Variants in AFAP1L2 observed in about 807,000 individuals in gnomAD.
The protein encoded by AFAP1L2 is actin filament associated protein 1 like 2, also known as actin filament-associated protein 1-like 2.
AFAP1L2 carries 46 observed loss-of-function variants against 99.3 expected under a neutral mutation model. That is an observed-to-expected ratio of 0.46 (90% CI 0.37 to 0.59). The LOEUF (loss-of-function observed/expected upper bound fraction) is 0.59, where lower values mean the gene tolerates loss of function less well. AFAP1L2 is among the 20% of genes least tolerant of loss of function. The pLI is 0.00. For missense variants in AFAP1L2, 959 were observed against 1,034.9 expected, an observed-to-expected ratio of 0.93 and a Z score of 1.01; for synonymous variants, 397 against 419.1, an observed-to-expected ratio of 0.95 and a Z score of 0.64.
the AFAP1L2 span, chr10:114,285,908 T>C: frequency 4.5e-6 from 7 of 1,552,964 alleles, no homozygotes; most frequent in South Asian, 2.4e-5. Flanking sequence ...TGACCATGGC[T>C]TGACAGTGGG....
At chr10:114,395,457 TA>T (rs2057600456) in intron 1 of AFAP1L2, among the ~76,000 whole-genome samples, 2 of 152,322 alleles carry the variant, frequency 1.3e-5, no homozygotes, top group South Asian at 4.1e-4. Context: ...TGAATTTTAG[TA>T]AATCAGTTCA....
chr10:114,398,133 T>C (rs931557696), intron 1 of AFAP1L2, among the ~76,000 whole-genome samples: 3 of 152,232 alleles, frequency 2.0e-5, no homozygotes, highest in African/African-American at 7.2e-5. Context: ...TTGTGGTTAG[T>C]TTGTTTTTTG....
At chr10:114,304,168 C>CT (rs1376717716) in intron 11 of AFAP1L2, among the ~76,000 whole-genome samples, 2 of 152,218 alleles carry the variant, frequency 1.3e-5, no homozygotes, top group Non-Finnish European at 2.9e-5. Context: ...ACATCAAAGA[C>CT]TAAGTGAACG....
At chr10:114,363,231 G>T (rs1051131978) in intron 1 of AFAP1L2, 7 of 949,692 alleles carry the variant, frequency 7.4e-6, no homozygotes, top group Non-Finnish European at 8.8e-6. Context: ...ATTCCAAGTT[G>T]CATCTCTTGG....
chr10:114,383,079 AG>A (rs1207982040), intron 1 of AFAP1L2, among the ~76,000 whole-genome samples: 1 of 152,222 alleles, frequency 6.6e-6, no homozygotes, highest in Non-Finnish European at 1.5e-5. Context: ...GCCATGAAAG[AG>A]GAAAAAAAAG....
chr10:114,313,571 G>A (rs183653168), intron 7 of AFAP1L2, among the ~76,000 whole-genome samples: 6 of 152,284 alleles, frequency 3.9e-5, no homozygotes, highest in Admixed American at 3.3e-4. Context: ...TGGCAAATAC[G>A]TGGCAAATGG....
chr10:114,356,462 T>A (rs893763582), intron 1 of AFAP1L2, among the ~76,000 whole-genome samples: 1 of 152,230 alleles, frequency 6.6e-6, no homozygotes, highest in Non-Finnish European at 1.5e-5. Context: ...ATGATGATAT[T>A]TTGGATGTGT....
chr10:114,398,787 C>T, intron 1 of AFAP1L2: 6 of 1,289,618 alleles, frequency 4.7e-6, no homozygotes, highest in Non-Finnish European at 6.1e-6. Flanking sequence ...GCCAGGTCTG[C>T]ACCCTCGGGA....
chr10:114,292,442 TG>T (rs1236415194), downstream of AFAP1L2, among the ~76,000 whole-genome samples: 1 of 152,032 alleles, frequency 6.6e-6, no homozygotes, highest in Non-Finnish European at 1.5e-5. Context: ...GATCTTACGC[TG>T]TCTAGGTTTT....
intron 1 of AFAP1L2, among the ~76,000 whole-genome samples, chr10:114,357,870 G>T (rs1384576404): frequency 6.6e-6 from 1 of 152,126 alleles, no homozygotes; most frequent in Non-Finnish European, 1.5e-5. Context: ...CCTCACAGGG[G>T]CTTATTTGCA....
At chr10:114,280,741 T>A in the AFAP1L2 span, 1 of 152,046 alleles carries the variant, frequency 6.6e-6, no homozygotes, top group Non-Finnish European at 1.5e-5. Flanking sequence ...AAACTTTGTT[T>A]TTATTATTAT....
the AFAP1L2 span, chr10:114,286,015 C>T: frequency 1.2e-6 from 2 of 1,614,130 alleles, no homozygotes; most frequent in South Asian, 1.1e-5. Context: ...CTCTGGACGG[C>T]TTCCTGCGGG....
intron 1 of AFAP1L2, among the ~76,000 whole-genome samples, chr10:114,369,962 G>A (rs561508870): frequency 1.3e-4 from 20 of 152,200 alleles, no homozygotes; most frequent in South Asian, 6.2e-4. Context: ...GTAACGGGAA[G>A]AGAGTCTTTC....
the AFAP1L2 span, among the ~76,000 whole-genome samples, chr10:114,281,425 G>T: frequency 6.6e-6 from 1 of 152,202 alleles, no homozygotes; most frequent in Non-Finnish European, 1.5e-5. Context: ...GCTGTGTTCC[G>T]GTAATTATGT....
chr10:114,367,411 G>C (rs2053437157), intron 1 of AFAP1L2, among the ~76,000 whole-genome samples: 1 of 152,132 alleles, frequency 6.6e-6, no homozygotes, highest in African/African-American at 2.4e-5. Context: ...ATTACCCAGG[G>C]ATTTGGCCCA....
chr10:114,346,515 C>T (rs2049600938), intron 1 of AFAP1L2, among the ~76,000 whole-genome samples: 1 of 152,188 alleles, frequency 6.6e-6, no homozygotes, highest in Non-Finnish European at 1.5e-5. Flanking sequence ...CCCCAGAGTG[C>T]CAACCTCAGT....
chr10:114,315,515 C>CCT (rs377755078), intron 6 of AFAP1L2, 45 bp downstream of exon 6: 4 of 1,603,836 alleles, frequency 2.5e-6, no homozygotes, highest in Non-Finnish European at 3.4e-6. Flanking sequence ...TGCCCCTTCC[C>CCT]CAAGGAGAGG....
At chr10:114,303,770 C>G (rs907213955) in intron 11 of AFAP1L2, among the ~76,000 whole-genome samples, 1 of 152,182 alleles carries the variant, frequency 6.6e-6, no homozygotes, top group Admixed American at 6.5e-5. Context: ...CTCAAAACCC[C>G]GATCTGAGCT....
At chr10:114,335,861 C>A (rs2047896522) in intron 2 of AFAP1L2, among the ~76,000 whole-genome samples, 1 of 152,074 alleles carries the variant, frequency 6.6e-6, no homozygotes, top group African/African-American at 2.4e-5. Context: ...TAACGTAAAG[C>A]AGAAACAGAG....
Sources: gnomAD v4.1 joint callset for allele counts (sites outside exome capture counted in the v4.1 genomes callset) on GRCh38, gnomAD v4.1.1 for gene constraint, MANE v1.5 for transcripts, NCBI Gene and HGNC (gene_info 2026-07-23, HGNC 2026-07-21) for gene names.